Variants in BPTF observed in about 807,000 individuals in gnomAD.
BPTF encodes bromodomain PHD finger transcription factor.
BPTF carries 18 observed loss-of-function variants against 292.5 expected under a neutral mutation model. That is an observed-to-expected ratio of 0.06 (90% CI 0.04 to 0.09). The LOEUF (loss-of-function observed/expected upper bound fraction) is 0.09, where lower values mean the gene tolerates loss of function less well. BPTF is among the 10% of genes least tolerant of loss of function. The pLI, the probability that BPTF is intolerant of heterozygous loss-of-function variation, is 1.00. For synonymous variants in BPTF, 1,225 were observed against 1,251.9 expected, an observed-to-expected ratio of 0.98 and a Z score of 0.45; for missense variants, 2,726 against 3,498.7, an observed-to-expected ratio of 0.78 and a Z score of 5.57.
At position 67,846,287 on chromosome 17, in the gene BPTF, T is replaced by A. The variant is rs528189790; in HGVS notation, c.614-7653T>A. Among the ~76,000 whole-genome samples the A allele has an allele frequency of 5.4e-4, 82 of 152,336 alleles. No homozygotes were observed. In the South Asian group the frequency reaches 0.017, roughly 31 times the overall value. On this transcript the variant is annotated intron_variant, in intron 1 of 27. Transcript: ENST00000306378. ...GGAGGATCACTTGGGCCCAGCAGTT[T>A]TAGAGCAGCCTGGGCAGCATAGAGG... is the stretch of plus-strand genomic sequence containing the variant.
intron 17 of BPTF, among the ~76,000 whole-genome samples, chr17:67,930,222 G>A (rs1290916266): frequency 6.6e-6 from 1 of 151,758 alleles, no homozygotes; most frequent in Non-Finnish European, 1.5e-5. Flanking sequence ...TTTTGAGACA[G>A]AGTTTCAATC....
chr17:67,886,284 C>T (rs1470704698), intron 4 of BPTF: 47 of 1,613,598 alleles, frequency 2.9e-5, no homozygotes, highest in Non-Finnish European at 3.8e-5. Flanking sequence ...GAAAGAGAAT[C>T]TCATACACCT....
At chr17:67,849,550 A>G (rs1344583698) in intron 1 of BPTF, among the ~76,000 whole-genome samples, 1 of 152,128 alleles carries the variant, frequency 6.6e-6, no homozygotes, top group Non-Finnish European at 1.5e-5. Context: ...ATTTTTACTT[A>G]TCTGGATCTT....
In BPTF at chr17:67,983,015, C is replaced by G. The variant is rs547957958; in HGVS notation, c.*727C>G. ...AGTACAATTTGTCAATTACTCTGCA[C>G]CAGGCTAAAATGAGTAAAATCTATT... On this transcript the variant is annotated 3_prime_UTR_variant, in exon 28 of 28. Coordinates refer to ENST00000306378, the MANE Select transcript of BPTF (RefSeq NM_182641.4). 6.6e-6 allele frequency: 1 copy of G among 152,342 alleles called. No homozygotes were observed. Among genetic ancestry groups the G allele is most frequent in the East Asian group, 1.9e-4 (1 of 5,192 alleles). 9.4% of individuals were successfully genotyped at this position (152,342 alleles called of 1,614,324 possible).
chr17:67,853,266 CTGT>C (rs1275487548), intron 1 of BPTF, among the ~76,000 whole-genome samples: 1 of 152,198 alleles, frequency 6.6e-6, no homozygotes, highest in African/African-American at 2.4e-5. Flanking sequence ...GTTTAACTGA[CTGT>C]TAAGAAATGT....
chr17:67,928,534 A>G lies in BPTF; in HGVS notation c.5931A>G (p.Thr1977=), dbSNP rs1483875746. ...TTKVGSPATV[T]FQQNKNFHQT... is the part of the protein sequence containing the mutation. ...AAGTTGGATCTCCAGCTACAGTAACATTCCAACAAAACAAGAACTTTCATC... is the reference window on the plus strand; with the variant it reads ...AAGTTGGATCTCCAGCTACAGTAACGTTCCAACAAAACAAGAACTTTCATC... The change falls in exon 16 of 28, where the codon ACA becomes ACG. Residue 1977 remains threonine, a synonymous_variant. Transcript: ENST00000306378. 4 of 1,614,090 alleles carry G rather than the reference A, an allele frequency of 2.5e-6. No homozygotes were observed. The highest frequency in any genetic ancestry group is 2.2e-5 in the South Asian group (2 of 91,088).
intron 4 of BPTF, among the ~76,000 whole-genome samples, chr17:67,890,551 C>T (rs1323357844): frequency 6.6e-6 from 1 of 152,148 alleles, no homozygotes; most frequent in African/African-American, 2.4e-5. Flanking sequence ...GTCACTGTGG[C>T]CAGCTAGTGG....
At chr17:67,850,122 G>T (rs2058301361) in intron 1 of BPTF, among the ~76,000 whole-genome samples, 1 of 152,192 alleles carries the variant, frequency 6.6e-6, no homozygotes. Flanking sequence ...ATTTTCTTGT[G>T]TAAGTGCATG....
chr17:67,903,612 CTT>C (rs1169250961), intron 7 of BPTF, among the ~76,000 whole-genome samples, 175 bp from the exon 8 acceptor site: 2 of 152,108 alleles, frequency 1.3e-5, no homozygotes, highest in Non-Finnish European at 2.9e-5. Flanking sequence ...TTTTTGTACT[CTT>C]TATCTTTTCT....
At chr17:67,865,048 C>T (rs1475431057) in intron 2 of BPTF, among the ~76,000 whole-genome samples, 3 of 152,164 alleles carry the variant, frequency 2.0e-5, no homozygotes, top group African/African-American at 7.2e-5. Context: ...CCTTGTGATC[C>T]GCCCGCCTCA....
At chr17:67,860,729 T>G (rs1261966453) in intron 2 of BPTF, among the ~76,000 whole-genome samples, 1 of 152,198 alleles carries the variant, frequency 6.6e-6, no homozygotes, top group East Asian at 1.9e-4. Flanking sequence ...AGCATTATAT[T>G]TCATTTTTTT....
At position 67,911,885 on chromosome 17, in the gene BPTF, G is replaced by A. The variant is rs748043318; in HGVS notation, c.4001G>A (p.Cys1334Tyr). ...QDVEVLEPLK[C>Y]ELVSGESTGN... Reference sequence around the variant, plus strand: ...GTTGAAGTCTTGGAGCCGTTAAAGTGTGAGTTGGTTTCTGGTGAGTCCACT... The same window carrying A: ...GTTGAAGTCTTGGAGCCGTTAAAGTATGAGTTGGTTTCTGGTGAGTCCACT... The change falls in exon 11 of 28, where the codon TGT (cysteine) becomes TAT (tyrosine). Residue 1334 changes from cysteine (C) to tyrosine (Y), a missense_variant. By Grantham distance (194) the Cys-to-Tyr change is radical (BLOSUM62 -2). Around this residue, in one of 22 missense-constraint regions of BPTF, gnomAD observed 713 missense variants for 714.9 expected, o/e 1.00. Transcript: ENST00000306378. The A allele has an allele frequency of 6.2e-7, 1 of 1,614,102 alleles. No individual in the cohort carries two copies. The highest frequency in any genetic ancestry group is 1.1e-5 in the South Asian group (1 of 91,052).
chr17:67,926,206 G>A (rs1325614349), intron 15 of BPTF, among the ~76,000 whole-genome samples: 3 of 149,880 alleles, frequency 2.0e-5, no homozygotes, highest in African/African-American at 7.3e-5. Context: ...TAGGACTTTT[G>A]CCATATTGCC....
In BPTF at chr17:67,912,603, AAATGTC is replaced by A; in HGVS notation, c.4724_4729del (p.Val1575_Asn1576del). On this transcript the variant is annotated inframe_deletion, in exon 11 of 28. Transcript: ENST00000306378. Reference sequence around the variant, plus strand: ...ATGGTCTGCCCATCAACAAAAATGAAAATGTCAATGGAGAATCTAAAAGAAAAACCG... The same window carrying A: ...ATGGTCTGCCCATCAACAAAAATGAAAATGGAGAATCTAAAAGAAAAACCG... 1 of 1,613,036 alleles carries A rather than the reference AAATGTC, an allele frequency of 6.2e-7. No homozygotes were observed. Among genetic ancestry groups the A allele is most frequent in the Non-Finnish European group, 8.5e-7 (1 of 1,179,784 alleles).
At chr17:67,919,918 A>G (rs2063323315) in intron 12 of BPTF, 97 bp from the exon 13 acceptor site, 12 of 1,224,362 alleles carry the variant, frequency 9.8e-6, no homozygotes, top group Middle Eastern at 2.6e-4. Flanking sequence ...CCAAAAGTTT[A>G]TTCCACGTGT....
chr17:67,881,868 T>G (rs866575053), intron 4 of BPTF, among the ~76,000 whole-genome samples: 19 of 139,648 alleles, frequency 1.4e-4, no homozygotes, highest in East Asian at 6.6e-4. Context: ...GTTTTTTTTT[T>G]TTTTTTTTTT....
At chr17:67,910,214 T>C (rs2062558494) in intron 10 of BPTF, among the ~76,000 whole-genome samples, 2 of 152,224 alleles carry the variant, frequency 1.3e-5, no homozygotes, top group African/African-American at 4.8e-5. Flanking sequence ...TTTTTGTTTC[T>C]GAATAATACT....
intron 1 of BPTF, among the ~76,000 whole-genome samples, chr17:67,839,153 C>T (rs956991609): frequency 2.0e-5 from 3 of 151,324 alleles, no homozygotes; most frequent in Non-Finnish European, 4.4e-5. Flanking sequence ...AAAAAAGAAA[C>T]AAATTGCATT....
chr17:67,982,600 TG>T lies in BPTF; in HGVS notation c.*313del. ...GAAAAAAAGATACTATGGGGTCAAGTGTAACTCCATGGAAATGCCACGTCTG... is the reference window on the plus strand; with the variant it reads ...GAAAAAAAGATACTATGGGGTCAAGTTAACTCCATGGAAATGCCACGTCTG... On this transcript the variant is annotated 3_prime_UTR_variant, in exon 28 of 28. Transcript: ENST00000306378. 4.3e-6 allele frequency: 1 copy of T among 229,938 alleles called. No homozygotes were observed. Among genetic ancestry groups the T allele is most frequent in the Admixed American group, 5.7e-5 (1 of 17,662 alleles). 14.2% of individuals were successfully genotyped at this position (229,938 alleles called of 1,614,324 possible). A position where few individuals can be genotyped will look rare whatever the true frequency, so the allele number is the denominator to read the frequency against.
Sources: allele counts gnomAD v4.1 joint callset (sites outside exome capture counted in the v4.1 genomes callset), GRCh38; gene constraint gnomAD v4.1.1; regional missense constraint gnomAD v4.1.1; transcripts MANE v1.5; gene names NCBI Gene and HGNC (gene_info 2026-07-23, HGNC 2026-07-21).